HMCN1: variants seen among roughly 807,000 people sequenced by gnomAD.
HMCN1 encodes the protein hemicentin-1.
A neutral mutation model predicts 625.9 loss-of-function variants in HMCN1; 321 were observed. The observed-to-expected ratio is 0.51, with a 90% confidence interval of 0.47 to 0.56. The LOEUF is 0.56. Among genes scored for constraint, HMCN1 ranks in the 20% least tolerant of loss-of-function variants. The pLI is 0.00. For missense variants in HMCN1, 6,588 were observed against 6,887.3 expected, an observed-to-expected ratio of 0.96 and a Z score of 1.54; for synonymous variants, 2,425 against 2,417.6, an observed-to-expected ratio of 1.00 and a Z score of -0.09.
intron 69 of HMCN1, among the ~76,000 whole-genome samples, chr1:186,104,355 C>A (rs947521280): frequency 3.9e-5 from 6 of 152,104 alleles, no homozygotes; most frequent in African/African-American, 1.4e-4. Context: ...TAGACTGGTG[C>A]CACAGGCATG....
intron 68 of HMCN1, among the ~76,000 whole-genome samples, chr1:186,101,631 A>C (rs980889561): frequency 2.0e-5 from 3 of 152,126 alleles, no homozygotes; most frequent in Non-Finnish European, 2.9e-5. Flanking sequence ...CACTTAACAC[A>C]GGTAAGATCT....
At chr1:186,013,859 T>A (rs575565204) in intron 30 of HMCN1, among the ~76,000 whole-genome samples, 1 of 152,226 alleles carries the variant, frequency 6.6e-6, no homozygotes, top group African/African-American at 2.4e-5. Flanking sequence ...AAATAAGTGA[T>A]TGACTCAATA....
intron 19 of HMCN1, 138 bp downstream of exon 19, chr1:185,984,451 TCTAC>T: frequency 1.1e-5 from 10 of 912,198 alleles, no homozygotes; most frequent in Non-Finnish European, 1.6e-5. Context: ...TTGAACAATA[TCTAC>T]ATTGTTAATG....
At chr1:185,777,294 C>T (rs1176337786) in intron 1 of HMCN1, among the ~76,000 whole-genome samples, 1 of 152,120 alleles carries the variant, frequency 6.6e-6, no homozygotes, top group Admixed American at 6.6e-5. Context: ...CTTCTTATAC[C>T]TCTATAAGGT....
At position 186,154,385 on chromosome 1, in the gene HMCN1, G is replaced by C. The variant is rs184252245; in HGVS notation, c.15256+398G>C. Reference sequence around the variant, plus strand: ...GGTAATACAAAAATTAGCCGGTCGTGGGGGCGGGTGCCTGTAGTCCCAGCT... The same window carrying C: ...GGTAATACAAAAATTAGCCGGTCGTCGGGGCGGGTGCCTGTAGTCCCAGCT... On this transcript the variant is annotated intron_variant, in intron 97 of 106. Transcript: ENST00000271588. 1.8e-4 allele frequency among the ~76,000 whole-genome samples: 27 copies of C among 152,208 alleles called. No individual in the cohort carries two copies. In the East Asian group the frequency reaches 4.5e-3, roughly 25 times the overall value.
At chr1:186,159,738 A>G (rs972336796) in intron 97 of HMCN1, among the ~76,000 whole-genome samples, 1 of 152,158 alleles carries the variant, frequency 6.6e-6, no homozygotes, top group African/African-American at 2.4e-5. Context: ...ATTTGCGTAT[A>G]TTGAACCAGC....
Position 186,003,711 on chromosome 1 carries a change from G to A in HMCN1, c.4349-7G>A. The A allele has an allele frequency of 6.2e-7, 1 of 1,612,964 alleles. No individual in the cohort carries two copies. The highest frequency in any genetic ancestry group is 1.7e-4 in the Middle Eastern group (1 of 6,056). On this transcript the variant is annotated splice_region_variant and splice_polypyrimidine_tract_variant and intron_variant, in intron 28 of 106. Coordinates refer to ENST00000271588, the MANE Select transcript of HMCN1 (RefSeq NM_031935.3). ...CAGAGTTTCATAATACACTGTCTTTGTTCAAGTTCCACCCACCATAATAGG... is the reference window on the plus strand; with the variant it reads ...CAGAGTTTCATAATACACTGTCTTTATTCAAGTTCCACCCACCATAATAGG...
chr1:185,769,587 C>A (rs1656097581), intron 1 of HMCN1, among the ~76,000 whole-genome samples: 1 of 152,146 alleles, frequency 6.6e-6, no homozygotes, highest in Admixed American at 6.6e-5. Context: ...ATATGGGCAA[C>A]TATATTAGTT....
chr1:185,984,457 T>C, intron 19 of HMCN1, 144 bp downstream of exon 19: 1 of 871,442 alleles, frequency 1.1e-6, no homozygotes, highest in Non-Finnish European at 1.9e-6. Context: ...AATATCTACA[T>C]TGTTAATGTT....
chr1:185,946,803 T>C (rs1268044638), intron 11 of HMCN1, among the ~76,000 whole-genome samples: 1 of 152,220 alleles, frequency 6.6e-6, no homozygotes. Context: ...AATTTTGTAC[T>C]AAGAGTTACT....
intron 4 of HMCN1, among the ~76,000 whole-genome samples, chr1:185,894,860 C>A (rs1006803552): frequency 1.3e-5 from 2 of 152,050 alleles, no homozygotes; most frequent in South Asian, 4.1e-4. Context: ...GTTACCATTA[C>A]TCATTTTTGT....
intron 82 of HMCN1, 89 bp downstream of exon 82, chr1:186,125,883 T>C: frequency 1.1e-6 from 1 of 906,628 alleles, no homozygotes; most frequent in Non-Finnish European, 1.6e-6. Context: ...AGTATATTCT[T>C]TAATAATTAA....
chr1:186,130,502 T>A lies in HMCN1; in HGVS notation c.13040-5T>A. ...ACTTTGTACCTGTCTTATGTTGTTTTCCAGAACCTCCAGTCTTCAAAGGTG... is the reference window on the plus strand; with the variant it reads ...ACTTTGTACCTGTCTTATGTTGTTTACCAGAACCTCCAGTCTTCAAAGGTG... On this transcript the variant is annotated splice_polypyrimidine_tract_variant and splice_region_variant and intron_variant, in intron 84 of 106. Coordinates refer to ENST00000271588, the MANE Select transcript of HMCN1 (RefSeq NM_031935.3). 2 of 1,612,804 alleles carry A rather than the reference T, an allele frequency of 1.2e-6. No individual in the cohort carries two copies. Among genetic ancestry groups the A allele is most frequent in the Non-Finnish European group, 1.7e-6 (2 of 1,178,988 alleles).
Position 186,158,947 on chromosome 1 carries a change from G to T in HMCN1, c.15256+4960G>T, listed in dbSNP as rs527736266. ...CTTTTTTGGTTCCATATGAACTTTA[G>T]TTTTTTCCAATTCTGTGAAGAAAGT... On this transcript the variant is annotated intron_variant, in intron 97 of 106. Coordinates refer to ENST00000271588, the MANE Select transcript of HMCN1 (RefSeq NM_031935.3). Among the ~76,000 whole-genome samples, 6 of 151,016 alleles carry T rather than the reference G, an allele frequency of 4.0e-5. No homozygotes were observed. The South Asian group carries it at 1.3e-3, about 31-fold the overall frequency.
intron 1 of HMCN1, among the ~76,000 whole-genome samples, chr1:185,766,803 A>G (rs534377423): frequency 6.6e-6 from 1 of 152,218 alleles, no homozygotes; most frequent in South Asian, 2.1e-4. Flanking sequence ...GCAAGCATAC[A>G]AGGAATCTAG....
chr1:186,169,888 G>A (rs1320084335), intron 100 of HMCN1, among the ~76,000 whole-genome samples: 1 of 151,662 alleles, frequency 6.6e-6, no homozygotes, highest in Non-Finnish European at 1.5e-5. Context: ...GAGTGAACAG[G>A]CAACCTACAA....
At chr1:185,831,989 G>A (rs1660888582) in intron 1 of HMCN1, among the ~76,000 whole-genome samples, 1 of 152,132 alleles carries the variant, frequency 6.6e-6, no homozygotes, top group South Asian at 2.1e-4. Flanking sequence ...TTTGGATATA[G>A]ATTGGCTGAT....
At chr1:185,951,713 G>C (rs570772194) in intron 11 of HMCN1, among the ~76,000 whole-genome samples, 11 of 151,894 alleles carry the variant, frequency 7.2e-5, no homozygotes, top group African/African-American at 2.7e-4. Context: ...GAGGAATCCC[G>C]GGCTGAGGGC....
rs758709947 is a variant in HMCN1, at chr1:186,000,165, A to T, written c.3995A>T (p.Asp1332Val). ...GTTATTGCTTCTGTTACACCCTATG[A>T]CAATGGGGAGTACATCTGTGTGGCA... ...LLVIASVTPY[D>V]NGEYICVAVN... is the part of the protein sequence containing the mutation. Residue 1332 changes from aspartate to valine, a missense_variant, in exon 26 of 107, where the codon GAC (aspartate) becomes GTC (valine). By Grantham distance (152) the Asp-to-Val change is radical. This residue lies in a region of HMCN1 where 4,628 missense variants were observed against 4,853.1 expected (regional missense o/e 0.95). Coordinates refer to ENST00000271588, the MANE Select transcript of HMCN1 (RefSeq NM_031935.3). 18 of 1,612,838 alleles carry T rather than the reference A, an allele frequency of 1.1e-5. 1 individual carries two copies. In the South Asian group the frequency reaches 2.0e-4, roughly 18 times the overall value.
Sources: allele counts gnomAD v4.1 joint callset (sites outside exome capture counted in the v4.1 genomes callset), GRCh38; gene constraint gnomAD v4.1.1; regional missense constraint gnomAD v4.1.1; transcripts MANE v1.5; gene names NCBI Gene and HGNC (gene_info 2026-07-23, HGNC 2026-07-21).